Variants in NRG3 observed in about 807,000 individuals in gnomAD.
NRG3 encodes the protein neuregulin 3, also known as pro-neuregulin-3, membrane-bound isoform.
NRG3 carries 31 observed loss-of-function variants against 66.9 expected under a neutral mutation model. The ratio of observed to expected loss-of-function variants is 0.46; its 90% confidence interval spans 0.35 to 0.63. NRG3 has a LOEUF of 0.63. NRG3 is among the 20% of genes least tolerant of loss of function. The pLI is 0.00. For synonymous variants in NRG3, 393 were observed against 359.4 expected, an observed-to-expected ratio of 1.09 and a Z score of -1.06; for missense variants, 910 against 878.9, an observed-to-expected ratio of 1.04 and a Z score of -0.45.
At chr10:82,643,612 A>G (rs2050729456) in intron 2 of NRG3, among the ~76,000 whole-genome samples, 1 of 152,112 alleles carries the variant, frequency 6.6e-6, no homozygotes, top group South Asian at 2.1e-4. Context: ...CCTTGAAAGA[A>G]ACTTGATCTA....
intron 2 of NRG3, among the ~76,000 whole-genome samples, chr10:82,496,696 G>C (rs1466429196): frequency 6.6e-6 from 1 of 151,956 alleles, no homozygotes; most frequent in Non-Finnish European, 1.5e-5. Context: ...AAATATCAAA[G>C]TTTACTAAAC....
chr10:82,774,816 TTTTTC>T (rs1484300767), intron 3 of NRG3, among the ~76,000 whole-genome samples: 12 of 142,858 alleles, frequency 8.4e-5, no homozygotes, highest in African/African-American at 3.1e-4. Context: ...TCCTTTTTCT[TTTTTC>T]TTTTTTTTTT....
intron 3 of NRG3, among the ~76,000 whole-genome samples, chr10:82,811,461 GGT>G (rs1317697410): frequency 1.3e-5 from 2 of 152,280 alleles, no homozygotes; most frequent in African/African-American, 4.8e-5. Flanking sequence ...CTCCTGCAAT[GGT>G]GAAATTCTGG....
At chr10:81,956,865 A>G (rs1849881289) in intron 1 of NRG3, among the ~76,000 whole-genome samples, 1 of 151,990 alleles carries the variant, frequency 6.6e-6, no homozygotes, top group African/African-American at 2.4e-5. Flanking sequence ...TTTTTCTCTG[A>G]ACTCCTTTCT....
chr10:81,920,409 C>A (rs1231408341), intron 1 of NRG3, among the ~76,000 whole-genome samples: 1 of 152,048 alleles, frequency 6.6e-6, no homozygotes, highest in African/African-American at 2.4e-5. Context: ...AATCTTAGCC[C>A]CCACCACTAG....
At chr10:82,617,713 T>A (rs563302307) in intron 2 of NRG3, among the ~76,000 whole-genome samples, 92 of 152,140 alleles carry the variant, frequency 6.0e-4, no homozygotes, top group Non-Finnish European at 1.1e-3. Context: ...TGGGACGCAG[T>A]CTCTTAAGTG....
intron 2 of NRG3, among the ~76,000 whole-genome samples, chr10:82,388,823 C>G (rs2086174618): frequency 6.6e-6 from 1 of 152,160 alleles, no homozygotes; most frequent in African/African-American, 2.4e-5. Context: ...TGAGCTGTGT[C>G]TCACAAACTA....
intron 1 of NRG3, among the ~76,000 whole-genome samples, chr10:82,087,482 G>A (rs967527419): frequency 1.3e-5 from 2 of 152,146 alleles, no homozygotes; most frequent in African/African-American, 4.8e-5. Context: ...GGCCTCTCAA[G>A]TTGTTTGTAA....
At chr10:82,063,081 T>A (rs1189332045) in intron 1 of NRG3, among the ~76,000 whole-genome samples, 2 of 152,178 alleles carry the variant, frequency 1.3e-5, no homozygotes, top group Non-Finnish European at 2.9e-5. Flanking sequence ...CTCAACATTG[T>A]GGTGTCTTCT....
At chr10:82,445,624 T>C (rs1161623321) in intron 2 of NRG3, among the ~76,000 whole-genome samples, 1 of 152,138 alleles carries the variant, frequency 6.6e-6, no homozygotes, top group Non-Finnish European at 1.5e-5. Flanking sequence ...TAATTTGGAT[T>C]TTCCTCTCCT....
intron 2 of NRG3, among the ~76,000 whole-genome samples, chr10:82,374,234 G>T (rs1326174212): frequency 6.6e-6 from 1 of 152,142 alleles, no homozygotes; most frequent in African/African-American, 2.4e-5. Context: ...TGCCTACCTT[G>T]TGTTCATGTT....
chr10:82,384,307 T>C (rs1463474027), intron 2 of NRG3, among the ~76,000 whole-genome samples: 1 of 152,132 alleles, frequency 6.6e-6, no homozygotes, highest in African/African-American at 2.4e-5. Flanking sequence ...CAGAGGTACA[T>C]GTGCAGGATG....
At chr10:82,300,472 T>C (rs1015375494) in intron 1 of NRG3, among the ~76,000 whole-genome samples, 4 of 152,180 alleles carry the variant, frequency 2.6e-5, no homozygotes, top group African/African-American at 9.7e-5. Flanking sequence ...ATTAAGTGAT[T>C]TCATTACACT....
intron 3 of NRG3, among the ~76,000 whole-genome samples, chr10:82,797,892 G>T (rs949470034): frequency 1.3e-5 from 2 of 152,218 alleles, no homozygotes; most frequent in Middle Eastern, 3.4e-3. Context: ...ACCTGGTTTT[G>T]TTGTTAGTAC....
chr10:82,315,991 G>A (rs1589695203), intron 1 of NRG3, among the ~76,000 whole-genome samples: 2 of 152,150 alleles, frequency 1.3e-5, no homozygotes, highest in Middle Eastern at 3.4e-3. Flanking sequence ...CAATAGGAAG[G>A]ATGAGGGAGA....
intron 1 of NRG3, among the ~76,000 whole-genome samples, chr10:82,158,013 A>C (rs1238992186): frequency 6.6e-6 from 1 of 151,620 alleles, no homozygotes; most frequent in Non-Finnish European, 1.5e-5. Flanking sequence ...TGTCTAGGTC[A>C]CTCACATACC....
chr10:82,880,639 G>A (rs1842221771), intron 4 of NRG3, among the ~76,000 whole-genome samples: 2 of 151,988 alleles, frequency 1.3e-5, no homozygotes, highest in African/African-American at 4.8e-5. Context: ...AAGCACACTG[G>A]GCCAGGGCCA....
intron 1 of NRG3, chr10:81,889,201 G>T (rs1047789907): frequency 6.6e-6 from 1 of 152,118 alleles, no homozygotes; most frequent in Non-Finnish European, 1.5e-5. Flanking sequence ...TTTTTCAGAG[G>T]CAAAAACTCC....
chr10:82,351,759 A>G (rs1366299694), intron 1 of NRG3, among the ~76,000 whole-genome samples: 4 of 152,170 alleles, frequency 2.6e-5, no homozygotes, highest in South Asian at 4.1e-4. Context: ...TAGTCAACCA[A>G]CCTACTTCAT....
Sources: gnomAD v4.1 joint callset for allele counts (sites outside exome capture counted in the v4.1 genomes callset) on GRCh38, gnomAD v4.1.1 for gene constraint, MANE v1.5 for transcripts, NCBI Gene and HGNC (gene_info 2026-07-23, HGNC 2026-07-21) for gene names.